Variants in TRPV1 observed in about 807,000 individuals in gnomAD.
The protein encoded by TRPV1 is OTRPC1.
Under a neutral mutation model 82.3 loss-of-function variants are expected in TRPV1, and 82 were observed. The observed-to-expected ratio is 1.00, with a 90% CI of 0.83 to 1.20. TRPV1 has a LOEUF of 1.20. Ranked by LOEUF, TRPV1 falls within the 50% of genes most tolerant of loss-of-function variation. TRPV1 has a pLI of 0.00. For missense variants in TRPV1, 1,067 were observed against 1,096.8 expected (o/e 0.97, Z 0.38); for synonymous variants, 515 against 467.7 (o/e 1.10, Z -1.30).
intron 2 of TRPV1, among the ~76,000 whole-genome samples, chr17:3,598,916 T>C (rs546964902): frequency 4.4e-4 from 67 of 151,494 alleles, no homozygotes; most frequent in African/African-American, 1.3e-3. Flanking sequence ...TCAATTAATA[T>C]GAACGTTAGA....
intron 7 of TRPV1, 60 bp downstream of exon 7, chr17:3,589,747 A>G (rs1597540733): frequency 3.2e-5 from 50 of 1,545,730 alleles, no homozygotes; most frequent in Non-Finnish European, 4.4e-5. Flanking sequence ...TGAGTCAGGC[A>G]GTCCTCTCCC....
chr17:3,595,140 T>A (rs758420791), intron 2 of TRPV1, among the ~76,000 whole-genome samples: 5 of 152,132 alleles, frequency 3.3e-5, no homozygotes, highest in Non-Finnish European at 4.4e-5. Flanking sequence ...CAGAAGCGAA[T>A]GAGAAGCAGA....
At position 3,580,377 on chromosome 17, in the gene TRPV1, C is replaced by T. The variant is rs147093790; in HGVS notation, c.1547+80G>A. 2.5e-4 allele frequency: 369 copies of T among 1,449,964 alleles called. 3 individuals carry two copies. The African/African-American group carries it at 4.1e-3, about 16-fold the overall frequency. 89.8% of individuals were successfully genotyped at this position (1,449,964 alleles called of 1,614,324 possible). A position where few individuals can be genotyped will look rare whatever the true frequency, so the allele number is the denominator to read the frequency against. On this transcript the variant is annotated intron_variant, in intron 11 of 16. Transcript: ENST00000572705. ...CTGAGGTCCCACTATGTGCCAGGCC[C>T]GGCGTGAGTGAGACCTCAAGTGAGA...
chr17:3,579,870 C>G (rs1478266256), intron 11 of TRPV1, among the ~76,000 whole-genome samples: 2 of 152,168 alleles, frequency 1.3e-5, no homozygotes, highest in African/African-American at 4.8e-5. Context: ...CCCCCCAAAA[C>G]AAGTGAGGGG....
chr17:3,588,770 T>C (rs2075115228), intron 7 of TRPV1, among the ~76,000 whole-genome samples: 1 of 148,534 alleles, frequency 6.7e-6, no homozygotes, highest in African/African-American at 2.5e-5. Context: ...GCCGAGATTG[T>C]GCCACTGCTC....
intron 2 of TRPV1, chr17:3,592,731 C>T: frequency 4.5e-6 from 1 of 220,462 alleles, no homozygotes. Flanking sequence ...GGTTGATAAC[C>T]ACCGCGCTGC....
At chr17:3,607,872 A>C (rs2075307831) in intron 2 of TRPV1, among the ~76,000 whole-genome samples, 1 of 152,140 alleles carries the variant, frequency 6.6e-6, no homozygotes, top group Admixed American at 6.5e-5. Flanking sequence ...CTCTAATAAA[A>C]GTTATCACAC....
intron 16 of TRPV1, among the ~76,000 whole-genome samples, chr17:3,571,298 G>A (rs1397083342): frequency 4.6e-5 from 7 of 152,190 alleles, no homozygotes; most frequent in South Asian, 2.1e-4. Context: ...CCGCCTGCAC[G>A]GGCCCAGTGA....
rs765007541 is a variant in TRPV1, at chr17:3,592,082, C to T, written c.269G>A (p.Gly90Asp). ...GCGGACTTACCTGGCACCGGTGGGGCCGTCTCCTGGCCTCTGGATGGTGAT... is the reference window on the plus strand; with the variant it reads ...GCGGACTTACCTGGCACCGGTGGGGTCGTCTCCTGGCCTCTGGATGGTGAT... ...PVITIQRPGD[G>D]PTGARLLSQD... Residue 90 changes from glycine to aspartate, a missense_variant, in exon 3 of 17, where the codon GGC becomes GAC. Coordinates refer to ENST00000572705, the MANE Select transcript of TRPV1 (RefSeq NM_080704.4). 1.2e-6 allele frequency: 2 copies of T among 1,612,078 alleles called. No homozygotes were observed. Among genetic ancestry groups the T allele is most frequent in the South Asian group, 2.2e-5 (2 of 91,046 alleles).
chr17:3,606,040 C>A (rs968474984), intron 2 of TRPV1, among the ~76,000 whole-genome samples: 2 of 152,164 alleles, frequency 1.3e-5, no homozygotes, highest in African/African-American at 4.8e-5. Context: ...CTCACTGCAA[C>A]CTCCGCCTTC....
At chr17:3,578,716 T>A (rs2074967125) in intron 11 of TRPV1, 1 of 152,156 alleles carries the variant, frequency 6.6e-6, no homozygotes, top group Admixed American at 6.5e-5. Context: ...ACCAAAAAGA[T>A]GCCTGCACTC....
intron 10 of TRPV1, 53 bp downstream of exon 10, chr17:3,583,285 G>T: frequency 1.4e-6 from 2 of 1,470,572 alleles, no homozygotes; most frequent in Non-Finnish European, 1.9e-6. Context: ...GGATCTTCTT[G>T]GCTTTTTGTT....
rs2075142339 is a variant in TRPV1, at chr17:3,590,393, C to T, written c.605-1G>A. ...ATGGCGATGTGCAGTGCTGTCTGGC[C>T]TACAGAGGACGCGCACGGTTGGCTT... On this transcript the variant is annotated splice_acceptor_variant, in intron 5 of 16. Transcript: ENST00000572705. LOFTEE classifies it high-confidence loss of function. 3 of 1,613,304 alleles carry T rather than the reference C, an allele frequency of 1.9e-6. No homozygotes were observed. Among genetic ancestry groups the T allele is most frequent in the Admixed American group, 3.3e-5 (2 of 59,796 alleles).
chr17:3,576,987 T>C, intron 13 of TRPV1, 139 bp downstream of exon 13: 1 of 804,922 alleles, frequency 1.2e-6, no homozygotes, highest in East Asian at 2.8e-5. Context: ...TTTCAGTGTG[T>C]CCTCTGTCCA....
chr17:3,573,550 C>CCCCCCCCCCCCCCCCCCG, intron 14 of TRPV1, 83 bp downstream of exon 14: 2 of 574,538 alleles, frequency 3.5e-6, no homozygotes, highest in Non-Finnish European at 4.8e-6. Flanking sequence ...CACCCACCCA[C>CCCCCCCCCCCCCCCCCCG]CTGCAGCCAG....
chr17:3,603,120 CA>C (rs1597557413), intron 2 of TRPV1, among the ~76,000 whole-genome samples: 1 of 146,960 alleles, frequency 6.8e-6, no homozygotes, highest in African/African-American at 2.4e-5. Flanking sequence ...AACTCCATCT[CA>C]AAAAATTAAA....
chr17:3,583,065 C>T (rs1053678365), intron 10 of TRPV1, among the ~76,000 whole-genome samples: 5 of 152,134 alleles, frequency 3.3e-5, no homozygotes, highest in Non-Finnish European at 7.3e-5. Flanking sequence ...GAGGCCTCCA[C>T]TCTGCCCCTG....
chr17:3,575,856 C>G (rs1351589305), intron 13 of TRPV1, among the ~76,000 whole-genome samples: 1 of 152,102 alleles, frequency 6.6e-6, no homozygotes, highest in African/African-American at 2.4e-5. Flanking sequence ...GAAACATTGT[C>G]AAAACCACTG....
At chr17:3,579,852 C>T (rs192034340) in intron 11 of TRPV1, among the ~76,000 whole-genome samples, 17 of 152,146 alleles carry the variant, frequency 1.1e-4, no homozygotes, top group African/African-American at 2.6e-4. Context: ...GGAGTGATTC[C>T]GGCACCACCC....
Sources: gnomAD v4.1 joint callset for allele counts (sites outside exome capture counted in the v4.1 genomes callset) on GRCh38, gnomAD v4.1.1 for gene constraint, MANE v1.5 for transcripts, NCBI Gene and HGNC (gene_info 2026-07-23, HGNC 2026-07-21) for gene names.